XRRA1: variants seen among roughly 807,000 people sequenced by gnomAD.
XRRA1 encodes X-ray radiation resistance associated 1, also known as X-ray radiation resistance-associated protein 1.
Under a neutral mutation model 80.2 loss-of-function variants are expected in XRRA1, and 69 were observed. The ratio of observed to expected loss-of-function variants is 0.86; its 90% CI spans 0.71 to 1.05. XRRA1 has a LOEUF of 1.05. Among genes scored for constraint, XRRA1 ranks in the 50% least tolerant of loss-of-function variants. The pLI, the probability that XRRA1 is intolerant of heterozygous loss-of-function variation, is 0.00. For missense variants in XRRA1, 967 were observed against 976.4 expected, an observed-to-expected ratio of 0.99 and a Z score of 0.13; for synonymous variants, 348 against 389.9, an observed-to-expected ratio of 0.89 and a Z score of 1.27.
At chr11:74,846,756 A>C (rs995070543) in intron 15 of XRRA1, among the ~76,000 whole-genome samples, 1 of 152,176 alleles carries the variant, frequency 6.6e-6, no homozygotes, top group Non-Finnish European at 1.5e-5. Context: ...AACCAGATAA[A>C]GATCATCTAT....
Position 74,843,025 on chromosome 11 carries a change from C to G in XRRA1, c.*175G>C, listed in dbSNP as rs1041760204. ...GGCCAGGCACCAGGTCATGCCTGGG[C>G]CAAGGAGGGGAGATCCTGACAAGGG... On this transcript the variant is annotated 3_prime_UTR_variant, in exon 19 of 19. Coordinates refer to ENST00000684022, the MANE Select transcript of XRRA1 (RefSeq NM_001378157.1). 4 of 863,654 alleles carry G rather than the reference C, an allele frequency of 4.6e-6. No homozygotes were observed. The African/African-American group carries it at 6.8e-5, about 15-fold the overall frequency. The allele number at this position is 863,654 out of a possible 1,614,324, so 53.5% of individuals were successfully genotyped here.
intron 10 of XRRA1, among the ~76,000 whole-genome samples, chr11:74,899,018 G>A (rs548672092): frequency 6.7e-4 from 102 of 152,154 alleles, no homozygotes; most frequent in Middle Eastern, 3.4e-3. Context: ...CACAAAACAA[G>A]TCTTAAAACA....
chr11:74,897,705 CT>C (rs1464635574), intron 10 of XRRA1, among the ~76,000 whole-genome samples: 3 of 73,038 alleles, frequency 4.1e-5, no homozygotes, highest in Non-Finnish European at 9.2e-5. Flanking sequence ...ATTTAAACTG[CT>C]AAAAAAAAAA....
rs550922365 is a variant in XRRA1, at chr11:74,880,104, T to G, written c.1004-17083A>C. ...TGAATCCATCTGGTCCTGGACTCTTTTTGGTTGGTAAGCTATTGATTATTG... is the reference window on the plus strand; with the variant it reads ...TGAATCCATCTGGTCCTGGACTCTTGTTGGTTGGTAAGCTATTGATTATTG... On this transcript the variant is annotated intron_variant, in intron 10 of 18. Coordinates refer to ENST00000684022, the MANE Select transcript of XRRA1 (RefSeq NM_001378157.1). Among the ~76,000 whole-genome samples, 7 of 152,176 alleles carry G rather than the reference T, an allele frequency of 4.6e-5. No homozygotes were observed. The South Asian group carries it at 1.5e-3, about 32-fold the overall frequency.
intron 10 of XRRA1, among the ~76,000 whole-genome samples, chr11:74,895,718 C>T (rs994485979): frequency 1.3e-5 from 2 of 152,216 alleles, no homozygotes; most frequent in African/African-American, 2.4e-5. Flanking sequence ...CGTCTTGTAT[C>T]TTGGATACCA....
intron 10 of XRRA1, among the ~76,000 whole-genome samples, chr11:74,892,207 A>T (rs1430475788): frequency 6.6e-6 from 1 of 152,168 alleles, no homozygotes; most frequent in African/African-American, 2.4e-5. Flanking sequence ...CAAAACAGAG[A>T]TATAGACCAA....
intron 8 of XRRA1, among the ~76,000 whole-genome samples, chr11:74,907,823 A>G (rs1396501064): frequency 1.2e-4 from 18 of 152,192 alleles, no homozygotes; most frequent in Admixed American, 1.0e-3. Flanking sequence ...CACATGAGTA[A>G]GGAGTGGAGA....
chr11:74,913,410 T>A (rs2056319980), intron 8 of XRRA1, among the ~76,000 whole-genome samples: 2 of 152,114 alleles, frequency 1.3e-5, no homozygotes, highest in Non-Finnish European at 2.9e-5. Context: ...AGAAAACAGG[T>A]TTTGAAGAAT....
chr11:74,937,546 G>A (rs72988531), intron 3 of XRRA1, among the ~76,000 whole-genome samples: 155 of 151,450 alleles, frequency 1.0e-3, no homozygotes, highest in Non-Finnish European at 2.0e-3. Flanking sequence ...ACCTCTATCA[G>A]TATACAGAAA....
chr11:74,875,444 G>A lies in XRRA1; in HGVS notation c.1004-12423C>T, dbSNP rs555853961. On this transcript the variant is annotated intron_variant, in intron 10 of 18. Transcript: ENST00000684022. ...GGCAAACTCCACTTGCCAGCCTCCC[G>A]CCAGTGGAAAGTCCTTAAGATCCTT... is the stretch of plus-strand genomic sequence containing the variant. Among the ~76,000 whole-genome samples, 28 of 152,284 alleles carry A rather than the reference G, an allele frequency of 1.8e-4. No individual in the cohort carries two copies. The South Asian group carries it at 2.3e-3, about 12-fold the overall frequency.
chr11:74,898,049 TACA>T (rs2052770415), intron 10 of XRRA1, among the ~76,000 whole-genome samples: 1 of 152,144 alleles, frequency 6.6e-6, no homozygotes, highest in Non-Finnish European at 1.5e-5. Context: ...AAATAATAAT[TACA>T]ACAACTTTTC....
intron 2 of XRRA1, among the ~76,000 whole-genome samples, chr11:74,941,744 C>T (rs1946376191): frequency 6.6e-6 from 1 of 151,792 alleles, no homozygotes; most frequent in South Asian, 2.1e-4. Flanking sequence ...ACTGGGATTG[C>T]AGTTAGGGGA....
chr11:74,858,854 C>T (rs1264350414), intron 12 of XRRA1, among the ~76,000 whole-genome samples: 1 of 152,130 alleles, frequency 6.6e-6, no homozygotes, highest in Admixed American at 6.5e-5. Context: ...ATCAGTCTTC[C>T]TGTCTTCCTT....
intron 8 of XRRA1, among the ~76,000 whole-genome samples, chr11:74,912,716 A>G (rs2056181489): frequency 6.6e-6 from 1 of 152,210 alleles, no homozygotes; most frequent in Non-Finnish European, 1.5e-5. Context: ...TTGTCCAAAG[A>G]AAGAGCCATG....
At chr11:74,872,791 A>G (rs1424728280) in intron 10 of XRRA1, among the ~76,000 whole-genome samples, 1 of 152,160 alleles carries the variant, frequency 6.6e-6, no homozygotes, top group East Asian at 1.9e-4. Context: ...GATTCTGAAA[A>G]TTGAAGGAAG....
chr11:74,858,908 C>G (rs2041726276), intron 12 of XRRA1, among the ~76,000 whole-genome samples: 1 of 152,180 alleles, frequency 6.6e-6, no homozygotes, highest in Non-Finnish European at 1.5e-5. Flanking sequence ...AAGTCTCTTT[C>G]CACAGCTGTA....
chr11:74,936,780 T>C, intron 4 of XRRA1, 104 bp downstream of exon 4: 5 of 1,367,112 alleles, frequency 3.7e-6, no homozygotes, highest in Non-Finnish European at 4.9e-6. Flanking sequence ...TCTAACAGTT[T>C]GGAGTAGATT....
intron 12 of XRRA1, among the ~76,000 whole-genome samples, chr11:74,854,740 C>G (rs1055580548): frequency 5.3e-5 from 8 of 152,172 alleles, no homozygotes; most frequent in African/African-American, 1.9e-4. Context: ...CTTTCTCTGG[C>G]TGGGCGCGGT....
chr11:74,899,830 G>T (rs1467173754), intron 10 of XRRA1, among the ~76,000 whole-genome samples: 1 of 152,076 alleles, frequency 6.6e-6, no homozygotes, highest in Admixed American at 6.6e-5. Context: ...AACATTTAAA[G>T]AACTAATACC....
Sources: gnomAD v4.1 joint callset for allele counts (sites outside exome capture counted in the v4.1 genomes callset) on GRCh38, gnomAD v4.1.1 for gene constraint, MANE v1.5 for transcripts, NCBI Gene and HGNC (gene_info 2026-07-23, HGNC 2026-07-21) for gene names.